TRAF2: variants seen among roughly 807,000 people sequenced by gnomAD.
TRAF2 encodes the protein TNF receptor-associated factor 2.
TRAF2 carries 6 observed loss-of-function variants against 55.6 expected under a neutral mutation model. The ratio of observed to expected loss-of-function variants is 0.11; its 90% CI spans 0.06 to 0.21. TRAF2 has a LOEUF of 0.21. Among genes scored for constraint, TRAF2 ranks in the 10% least tolerant of loss-of-function variants. The probability of loss-of-function intolerance (pLI) is 1.00; values close to 1 mark genes in which losing one functional copy is unlikely to be tolerated. For missense variants in TRAF2, 561 were observed against 684.5 expected (o/e 0.82, Z 2.01); for synonymous variants, 329 against 276.3 (o/e 1.19, Z -1.89).
chr9:136,900,532 T>C lies in TRAF2; in HGVS notation c.366+12T>C, dbSNP rs1354373508. 7 of 1,608,862 alleles carry C rather than the reference T, an allele frequency of 4.4e-6. No homozygotes were observed. The highest frequency in any genetic ancestry group is 6.0e-6 in the Non-Finnish European group (7 of 1,175,356). ...TGAAAGAATACGAGGTAAAGATGCC[T>C]GCGTGTGGCATGGTGACAGAAGCTC... On this transcript the variant is annotated intron_variant, in intron 4 of 10. Transcript: ENST00000247668.
chr9:136,925,893 G>A lies in TRAF2; in HGVS notation c.1498G>A (p.Gly500Arg). The A allele has an allele frequency of 1.2e-6, 2 of 1,614,158 alleles. No homozygotes were observed. The highest frequency in any genetic ancestry group is 1.7e-6 in the Non-Finnish European group (2 of 1,180,036). Residue 500 changes from glycine (G) to arginine (R), a missense_variant, in exon 11 of 11, where the codon GGG becomes AGG. Gly to Arg is a moderately radical substitution (Grantham distance 125). Around this residue, in one of 2 missense-constraint regions of TRAF2, gnomAD observed 135 missense variants for 207.7 expected, o/e 0.65. Coordinates refer to ENST00000247668, the MANE Select transcript of TRAF2 (RefSeq NM_021138.4). ...IFIKAIVDLT[G>R]L ...CATCAAGGCCATTGTGGACCTGACAGGGCTCTAACTGCCCCCTACTGGTGT... is the reference window on the plus strand; with the variant it reads ...CATCAAGGCCATTGTGGACCTGACAAGGCTCTAACTGCCCCCTACTGGTGT...
chr9:136,902,673 G>A (rs1390148322), intron 4 of TRAF2, among the ~76,000 whole-genome samples: 5 of 152,190 alleles, frequency 3.3e-5, no homozygotes. Flanking sequence ...CTTGGCTGTG[G>A]CCTTTGATTT....
chr9:136,893,444 C>G (rs1849620292), intron 1 of TRAF2, among the ~76,000 whole-genome samples: 1 of 152,212 alleles, frequency 6.6e-6, no homozygotes, highest in African/African-American at 2.4e-5. Context: ...CAGCCCTATT[C>G]AGGTCAGTGA....
At position 136,908,024 on chromosome 9, in the gene TRAF2, A is replaced by T. The variant is rs755165616; in HGVS notation, c.367-46A>T. On this transcript the variant is annotated intron_variant, in intron 4 of 10. Coordinates refer to ENST00000247668, the MANE Select transcript of TRAF2 (RefSeq NM_021138.4). ...CCCCGGGTGAAGCTGTGGCTGCCCA[A>T]ATGTCCCACGCGAGTTCTACTGACG... 22 of 1,562,678 alleles carry T rather than the reference A, an allele frequency of 1.4e-5. No individual in the cohort carries two copies. In the South Asian group the frequency reaches 2.2e-4, roughly 16 times the overall value.
chr9:136,912,237 A>T (rs992558892), intron 6 of TRAF2, among the ~76,000 whole-genome samples: 1 of 136,254 alleles, frequency 7.3e-6, no homozygotes, highest in Non-Finnish European at 1.5e-5. Context: ...ATCTCGGCTC[A>T]TTGCAACTTC....
chr9:136,887,170 A>G lies in TRAF2; in HGVS notation c.-29+629A>G, dbSNP rs553465780. On this transcript the variant is annotated intron_variant, in intron 1 of 10. Transcript: ENST00000247668. ...GCTGGGAGGGTCGGGGGCAGCAAGG[A>G]GCCAGTGCGGGGATGGGCTGCGGTG... Among the ~76,000 whole-genome samples, 5 of 152,040 alleles carry G rather than the reference A, an allele frequency of 3.3e-5. 1 individual carries two copies. In the East Asian group the frequency reaches 5.8e-4, roughly 18 times the overall value.
In TRAF2 at chr9:136,886,549, G is replaced by T; in HGVS notation, c.-29+8G>T. On this transcript the variant is annotated splice_region_variant and intron_variant, in intron 1 of 10. Transcript: ENST00000247668. The stretch of plus-strand genomic sequence containing the variant: ...GCGCGCTGCGACCGTTGGGTGAGGC[G>T]AGCGCGGGGTCGGGTGCGGGGTCGG... The T allele has an allele frequency of 2.0e-6, 2 of 986,142 alleles. No individual in the cohort carries two copies. The highest frequency in any genetic ancestry group is 2.4e-6 in the Non-Finnish European group (2 of 831,484). 61.1% of individuals were successfully genotyped at this position (986,142 alleles called of 1,614,324 possible). A position where few individuals can be genotyped will look rare whatever the true frequency, so the allele number is the denominator to read the frequency against.
At position 136,926,281 on chromosome 9, in the gene TRAF2, G is replaced by A; in HGVS notation, c.*380G>A. 2.7e-6 allele frequency: 1 copy of A among 374,208 alleles called. No individual in the cohort carries two copies. The allele number at this position is 374,208 out of a possible 1,614,324, so 23.2% of individuals were successfully genotyped here. A position where few individuals can be genotyped will look rare whatever the true frequency, so the allele number is the denominator to read the frequency against. ...CCCATGTAGCAGGAGCACAGTGGAT[G>A]GCCTTGTGTCCCTCGGGCATGACAG... On this transcript the variant is annotated 3_prime_UTR_variant, in exon 11 of 11. Coordinates refer to ENST00000247668, the MANE Select transcript of TRAF2 (RefSeq NM_021138.4).
intron 6 of TRAF2, among the ~76,000 whole-genome samples, chr9:136,911,049 C>T (rs934759955): frequency 7.2e-5 from 11 of 152,308 alleles, no homozygotes; most frequent in African/African-American, 2.4e-4. Flanking sequence ...CCGAGAGGTG[C>T]CCTCTGCGTG....
Position 136,908,245 on chromosome 9 carries a change from A to G in TRAF2, c.528+14A>G, listed in dbSNP as rs1254151475. 1.5e-5 allele frequency: 23 copies of G among 1,555,642 alleles called. No individual in the cohort carries two copies. The highest frequency in any genetic ancestry group is 4.7e-5 in the East Asian group (2 of 42,508). ...GCAGACGTGAAGGTGCGTGGGGTGG[A>G]GCAGCAGCCTGTGTGGCTGCAGCCA... On this transcript the variant is annotated intron_variant, in intron 5 of 10. Coordinates refer to ENST00000247668, the MANE Select transcript of TRAF2 (RefSeq NM_021138.4).
In TRAF2 at chr9:136,921,119, T is replaced by G; in HGVS notation, c.1042T>G (p.Ser348Ala). 1 of 1,614,058 alleles carries G rather than the reference T, an allele frequency of 6.2e-7. No homozygotes were observed. Among genetic ancestry groups the G allele is most frequent in the African/African-American group, 1.3e-5 (1 of 75,040 alleles). The change falls in exon 9 of 11, where the codon TCC becomes GCC. Residue 348 changes from serine (S) to alanine (A), a missense_variant. Transcript: ENST00000247668. ...LEQKVLEMEA[S>A]TYDGVFIWKI... Reference sequence around the variant, plus strand: ...GCAGAAGGTCTTGGAGATGGAGGCATCCACCTACGATGGGGTCTTCATCTG... The same window carrying G: ...GCAGAAGGTCTTGGAGATGGAGGCAGCCACCTACGATGGGGTCTTCATCTG...
upstream of TRAF2, among the ~76,000 whole-genome samples, chr9:136,882,265 G>A (rs770459929): frequency 4.6e-5 from 7 of 152,034 alleles, no homozygotes; most frequent in Non-Finnish European, 7.4e-5. Context: ...AGACGCAGCC[G>A]CTGGATTTCA....
At chr9:136,919,866 C>A (rs1850341879) in intron 7 of TRAF2, among the ~76,000 whole-genome samples, 1 of 152,094 alleles carries the variant, frequency 6.6e-6, no homozygotes, top group African/African-American at 2.4e-5. Context: ...CTGGCACACA[C>A]CACCATGCCC....
At chr9:136,897,358 G>A (rs1175646931) in intron 1 of TRAF2, among the ~76,000 whole-genome samples, 5 of 152,238 alleles carry the variant, frequency 3.3e-5, no homozygotes, top group Admixed American at 3.3e-4. Context: ...TGGCTGCCTT[G>A]GTGGGGCTTA....
chr9:136,909,028 ACT>A lies in TRAF2; in HGVS notation c.528+800_528+801del, dbSNP rs377447936. On this transcript the variant is annotated intron_variant, in intron 5 of 10. Coordinates refer to ENST00000247668, the MANE Select transcript of TRAF2 (RefSeq NM_021138.4). ...ACACTAGCCTGGGCAACAGAGGAAGACTCTGTCTCAAAAAAAAAAAAAAGAAA... is the reference window on the plus strand; with the variant it reads ...ACACTAGCCTGGGCAACAGAGGAAGACTGTCTCAAAAAAAAAAAAAAGAAA... Among the ~76,000 whole-genome samples the A allele has an allele frequency of 9.9e-5, 13 of 131,880 alleles. No individual in the cohort carries two copies. The East Asian group carries it at 1.8e-3, about 18-fold the overall frequency. 86.5% of individuals were successfully genotyped at this position (131,880 alleles called of 152,430 possible).
intron 9 of TRAF2, among the ~76,000 whole-genome samples, chr9:136,923,632 A>C (rs1377115500): frequency 4.6e-5 from 7 of 151,540 alleles, no homozygotes; most frequent in East Asian, 3.9e-4. Flanking sequence ...AAAAAAAAAA[A>C]AAACTTTTTC....
chr9:136,925,055 CTAT>C (rs1179399196), intron 10 of TRAF2, among the ~76,000 whole-genome samples: 3 of 152,158 alleles, frequency 2.0e-5, no homozygotes, highest in African/African-American at 4.8e-5. Flanking sequence ...AAATCAGAAT[CTAT>C]TATTTTGTGG....
chr9:136,907,234 G>A (rs1047970559), intron 4 of TRAF2, among the ~76,000 whole-genome samples: 5 of 152,324 alleles, frequency 3.3e-5, no homozygotes, highest in Admixed American at 2.0e-4. Flanking sequence ...ACCGGCTCCC[G>A]CTTCCCTAGT....
chr9:136,898,697 G>A lies in TRAF2; in HGVS notation c.-28-16G>A, dbSNP rs751842681. 5.8e-5 allele frequency: 93 copies of A among 1,611,128 alleles called. No homozygotes were observed. Among genetic ancestry groups the A allele is most frequent in the Non-Finnish European group, 7.5e-5 (89 of 1,179,714 alleles). On this transcript the variant is annotated splice_polypyrimidine_tract_variant and intron_variant, in intron 1 of 10. Coordinates refer to ENST00000247668, the MANE Select transcript of TRAF2 (RefSeq NM_021138.4). The stretch of plus-strand genomic sequence containing the variant: ...TTCTGGAATTGAGGTGTAACGTGCT[G>A]TGTGTTCTTCCTTAGGGCTTTGTTC...
Sources: gnomAD v4.1 joint callset for allele counts (sites outside exome capture counted in the v4.1 genomes callset) on GRCh38, gnomAD v4.1.1 for gene constraint, gnomAD v4.1.1 regional missense constraint, MANE v1.5 for transcripts, NCBI Gene and HGNC (gene_info 2026-07-23, HGNC 2026-07-21) for gene names.